THSD7B: variants seen among roughly 807,000 people sequenced by gnomAD.
THSD7B encodes thrombospondin type-1 domain-containing protein 7B.
In THSD7B, 138 loss-of-function variants were observed where a neutral mutation model predicts 213.6. The observed-to-expected ratio is 0.65, with a 90% CI of 0.56 to 0.74. The LOEUF is 0.74. Ranked by LOEUF, THSD7B falls within the 30% of genes least tolerant of loss-of-function variation. THSD7B has a pLI of 0.00. For missense variants in THSD7B, 1,931 were observed against 1,991.5 expected, an observed-to-expected ratio of 0.97 and a Z score of 0.58; for synonymous variants, 742 against 687.0, an observed-to-expected ratio of 1.08 and a Z score of -1.25.
chr2:137,227,124 A>G (rs1681524571), intron 7 of THSD7B, among the ~76,000 whole-genome samples: 1 of 152,176 alleles, frequency 6.6e-6, no homozygotes, highest in Admixed American at 6.5e-5. Context: ...TGGAGTGATT[A>G]AAATATTTTG....
chr2:137,360,661 G>A (rs375137498), intron 12 of THSD7B, among the ~76,000 whole-genome samples: 75 of 152,268 alleles, frequency 4.9e-4, no homozygotes, highest in African/African-American at 1.7e-3. Context: ...GGGGAGGGGC[G>A]TCTGCCATTG....
chr2:137,127,023 T>A (rs1688640885), intron 5 of THSD7B, among the ~76,000 whole-genome samples: 1 of 152,026 alleles, frequency 6.6e-6, no homozygotes, highest in African/African-American at 2.4e-5. Context: ...ATGACAATAA[T>A]AACATCAAAG....
chr2:137,642,736 G>A (rs1235175500), intron 21 of THSD7B, 103 bp downstream of exon 21: 10 of 1,350,542 alleles, frequency 7.4e-6, no homozygotes, highest in African/African-American at 1.5e-5. Flanking sequence ...AGCACCAGGG[G>A]TCTGGCACAA....
chr2:136,887,848 G>T (rs573430240), intron 2 of THSD7B, among the ~76,000 whole-genome samples: 1 of 152,048 alleles, frequency 6.6e-6, no homozygotes, highest in African/African-American at 2.4e-5. Flanking sequence ...TCAAATCCTG[G>T]TTGTCTAAGG....
chr2:137,473,897 G>A (rs896958150), intron 15 of THSD7B, among the ~76,000 whole-genome samples: 1 of 152,170 alleles, frequency 6.6e-6, no homozygotes, highest in African/African-American at 2.4e-5. Context: ...AAAAGTAGAA[G>A]GGTGAGTATA....
intron 15 of THSD7B, among the ~76,000 whole-genome samples, chr2:137,452,495 A>G (rs755245560): frequency 6.6e-5 from 10 of 152,124 alleles, no homozygotes; most frequent in African/African-American, 9.7e-5. Flanking sequence ...CCCTGGGGGA[A>G]TTTTCTGGGC....
intron 3 of THSD7B, among the ~76,000 whole-genome samples, chr2:137,088,884 T>C (rs1170235250): frequency 3.3e-5 from 5 of 152,150 alleles, no homozygotes; most frequent in Non-Finnish European, 4.4e-5. Flanking sequence ...TGAACATCAC[T>C]AATGATCAGC....
intron 2 of THSD7B, among the ~76,000 whole-genome samples, chr2:137,054,782 AT>A (rs1168198558): frequency 1.3e-5 from 2 of 149,864 alleles, no homozygotes; most frequent in African/African-American, 4.9e-5. Context: ...TTTTTTTTTA[AT>A]TTTAAGTTCT....
intron 9 of THSD7B, among the ~76,000 whole-genome samples, chr2:137,234,673 C>A (rs750499705): frequency 6.6e-6 from 1 of 152,112 alleles, no homozygotes. Context: ...CAGCATCTGG[C>A]AGGTAGTTAG....
Position 137,075,235 on chromosome 2 carries a change from G to C in THSD7B, c.950+18005G>C, listed in dbSNP as rs368387899. On this transcript the variant is annotated intron_variant, in intron 3 of 27. Transcript: ENST00000409968. ...CTTTCAGGTACACCAGTCAAATGTA[G>C]ATTTGGTCTTTTCACATAGTCCCAT... Among the ~76,000 whole-genome samples, 33 of 152,328 alleles carry C rather than the reference G, an allele frequency of 2.2e-4. 1 individual carries two copies. Among genetic ancestry groups the C allele is most frequent in the East Asian group, 1.7e-3 (9 of 5,186 alleles).
intron 3 of THSD7B, among the ~76,000 whole-genome samples, chr2:137,088,950 T>C (rs537598104): frequency 6.6e-6 from 1 of 151,996 alleles, no homozygotes; most frequent in Non-Finnish European, 1.5e-5. Flanking sequence ...AGAATGGCTG[T>C]AATAAAAAAA....
At chr2:137,149,773 T>C (rs1373027729) in intron 5 of THSD7B, among the ~76,000 whole-genome samples, 1 of 152,238 alleles carries the variant, frequency 6.6e-6, no homozygotes, top group Non-Finnish European at 1.5e-5. Context: ...ATTTACCCAA[T>C]GCCTGTATCC....
chr2:137,295,540 A>G (rs1013716481), intron 12 of THSD7B, among the ~76,000 whole-genome samples: 4 of 151,202 alleles, frequency 2.6e-5, no homozygotes, highest in African/African-American at 9.7e-5. Context: ...CAGTGGTGTG[A>G]TCTCGGCTTA....
intron 2 of THSD7B, among the ~76,000 whole-genome samples, chr2:137,020,746 A>G (rs1346887378): frequency 6.6e-6 from 1 of 152,040 alleles, no homozygotes; most frequent in East Asian, 1.9e-4. Flanking sequence ...TCATTTGTCA[A>G]CTTGTCAAAG....
intron 1 of THSD7B, among the ~76,000 whole-genome samples, chr2:136,797,750 CCAAGTGATGCTTGTTT>C (rs1682095924): frequency 6.6e-6 from 1 of 151,848 alleles, no homozygotes; most frequent in African/African-American, 2.4e-5. Context: ...TAGCCTGGTA[CCAAGTGATGCTTGTTT>C]CAGAGCATTA....
At chr2:137,053,531 TA>T (rs1365413994) in intron 2 of THSD7B, among the ~76,000 whole-genome samples, 4 of 149,620 alleles carry the variant, frequency 2.7e-5, no homozygotes, top group African/African-American at 9.8e-5. Context: ...TGATTTCAAA[TA>T]ACCAAAAAAG....
intron 1 of THSD7B, among the ~76,000 whole-genome samples, chr2:136,794,446 T>TC (rs1682024945): frequency 6.6e-6 from 1 of 151,876 alleles, no homozygotes. Context: ...TCATTTTTTT[T>TC]CCTATTTTCT....
intron 5 of THSD7B, among the ~76,000 whole-genome samples, chr2:137,143,500 T>A (rs1019063229): frequency 6.6e-6 from 1 of 152,158 alleles, no homozygotes; most frequent in Non-Finnish European, 1.5e-5. Context: ...TATTTGACAG[T>A]GATCTGTGTT....
chr2:137,591,979 G>A (rs1312417608), intron 17 of THSD7B, among the ~76,000 whole-genome samples: 1 of 151,230 alleles, frequency 6.6e-6, no homozygotes, highest in African/African-American at 2.4e-5. Flanking sequence ...TAGAAGTATA[G>A]ATTAATATTT....
Sources: allele counts gnomAD v4.1 joint callset (sites outside exome capture counted in the v4.1 genomes callset), GRCh38; gene constraint gnomAD v4.1.1; transcripts MANE v1.5; gene names NCBI Gene and HGNC (gene_info 2026-07-23, HGNC 2026-07-21).